SFXN4: variants seen among roughly 807,000 people sequenced by gnomAD.
SFXN4 encodes sideroflexin 4, also known as sideroflexin-4.
SFXN4 carries 48 observed loss-of-function variants against 54.6 expected under a neutral mutation model. The observed-to-expected ratio is 0.88, with a 90% CI of 0.70 to 1.12. SFXN4 has a LOEUF of 1.12. SFXN4 is among the 50% of genes most tolerant of loss of function. SFXN4 has a pLI of 0.00. For missense variants in SFXN4, 383 were observed against 409.2 expected (o/e 0.94, Z 0.55); for synonymous variants, 130 against 145.5 (o/e 0.89, Z 0.77).
rs1847146751 is a variant in SFXN4 at position 119,153,334 on chromosome 10, C to CT, written c.732+1727dup. Among the ~76,000 whole-genome samples the CT allele has an allele frequency of 6.6e-5, 9 of 136,400 alleles. No homozygotes were observed. The South Asian group carries it at 2.2e-3, about 34-fold the overall frequency. The allele number at this position is 136,400 out of a possible 152,430, so 89.5% of individuals were successfully genotyped here. On this transcript the variant is annotated intron_variant, in intron 11 of 13. Coordinates refer to ENST00000355697, the MANE Select transcript of SFXN4 (RefSeq NM_213649.2). Reference sequence around the variant, plus strand: ...GCTGAGGTGAGAGAATCACCTGAGCCTGGGAGGTTGAGGCTGTAGAGCCGT... The same window carrying CT: ...GCTGAGGTGAGAGAATCACCTGAGCCTTGGGAGGTTGAGGCTGTAGAGCCGT...
chr10:119,154,808 G>C (rs941445693), intron 11 of SFXN4, among the ~76,000 whole-genome samples: 3 of 152,212 alleles, frequency 2.0e-5, no homozygotes, highest in African/African-American at 7.2e-5. Flanking sequence ...CTCCAGGCCA[G>C]TGCGACAGAG....
chr10:119,161,437 C>CA (rs1554888747), intron 3 of SFXN4, among the ~76,000 whole-genome samples: 2,084 of 119,762 alleles, frequency 0.017, 65 homozygotes, highest in African/African-American at 0.056. Flanking sequence ...CAAAAAAAAA[C>CA]AAAAAAAAAA....
At chr10:119,147,983 C>A in intron 11 of SFXN4, 123 bp from the exon 12 acceptor site, 1 of 677,278 alleles carries the variant, frequency 1.5e-6, no homozygotes, top group Non-Finnish European at 2.6e-6. Flanking sequence ...CCAGCCTGGC[C>A]AACATGGTGA....
At chr10:119,149,418 C>A (rs183079884) in intron 11 of SFXN4, among the ~76,000 whole-genome samples, 176 of 152,224 alleles carry the variant, frequency 1.2e-3, no homozygotes, top group Middle Eastern at 0.01. Flanking sequence ...CTTTCCCCCC[C>A]ACAAAAGAGA....
chr10:119,160,865 TTAG>T (rs758526485), intron 5 of SFXN4, 47 bp downstream of exon 5: 154 of 1,591,808 alleles, frequency 9.7e-5, no homozygotes, highest in Middle Eastern at 3.3e-4. Context: ...TTTCTAAGTG[TTAG>T]AAACTACATC....
At chr10:119,149,823 G>A (rs1846981251) in intron 11 of SFXN4, among the ~76,000 whole-genome samples, 1 of 152,234 alleles carries the variant, frequency 6.6e-6, no homozygotes, top group Non-Finnish European at 1.5e-5. Context: ...AGGGAAAAAT[G>A]GCTGTTAGTG....
At chr10:119,146,399 G>T in intron 12 of SFXN4, 46 bp from the exon 13 acceptor site, 1 of 1,211,116 alleles carries the variant, frequency 8.3e-7, no homozygotes, top group Non-Finnish European at 1.2e-6. Context: ...AAACTATCAG[G>T]GCTTATTTTC....
chr10:119,149,881 TC>T (rs1409087584), intron 11 of SFXN4, among the ~76,000 whole-genome samples: 3 of 152,218 alleles, frequency 2.0e-5, no homozygotes, highest in Admixed American at 2.0e-4. Flanking sequence ...TCTCCCTTAG[TC>T]CCATGTGTGG....
chr10:119,149,332 C>T (rs763684413), intron 11 of SFXN4, among the ~76,000 whole-genome samples: 7 of 152,308 alleles, frequency 4.6e-5, no homozygotes, highest in Non-Finnish European at 1.0e-4. Context: ...TACCACCCGG[C>T]CCCTGCTCTC....
rs572356797 is a variant in SFXN4, at chr10:119,144,562, A to T, written c.936+1674T>A. Among the ~76,000 whole-genome samples the T allele has an allele frequency of 2.1e-3, 197 of 94,020 alleles. 4 individuals carry two copies. The highest frequency in any genetic ancestry group is 7.6e-3 in the African/African-American group (176 of 23,084). The allele number at this position is 94,020 out of a possible 152,430, so 61.7% of individuals were successfully genotyped here. On this transcript the variant is annotated intron_variant, in intron 13 of 13. Coordinates refer to ENST00000355697, the MANE Select transcript of SFXN4 (RefSeq NM_213649.2). ...ATTAAAAAAATTGGCTTTCTGACTTAAAAAAAAAAAAATGTCCTTGCTACC... is the reference window on the plus strand; with the variant it reads ...ATTAAAAAAATTGGCTTTCTGACTTTAAAAAAAAAAAATGTCCTTGCTACC...
chr10:119,141,357 G>A, intron 13 of SFXN4, 38 bp from the exon 14 acceptor site: 2 of 1,335,400 alleles, frequency 1.5e-6, no homozygotes, highest in Non-Finnish European at 2.1e-6. Flanking sequence ...TCTATTAATA[G>A]TTTTTCTTGC....
At chr10:119,146,181 T>C in intron 13 of SFXN4, 55 bp downstream of exon 13, 1 of 970,580 alleles carries the variant, frequency 1.0e-6, no homozygotes, top group Non-Finnish European at 1.6e-6. Context: ...CTTATTTTAT[T>C]CTTCTAACTG....
chr10:119,159,305 CA>C (rs1382134402), intron 6 of SFXN4, among the ~76,000 whole-genome samples: 3 of 151,912 alleles, frequency 2.0e-5, no homozygotes, highest in Non-Finnish European at 2.9e-5. Context: ...CCCAAAAAAC[CA>C]AAAAGCACCT....
At chr10:119,152,824 A>G (rs1215684267) in intron 11 of SFXN4, among the ~76,000 whole-genome samples, 1 of 152,086 alleles carries the variant, frequency 6.6e-6, no homozygotes, top group African/African-American at 2.4e-5. Flanking sequence ...TGCCACCAAC[A>G]TGCTGGTCAG....
intron 11 of SFXN4, among the ~76,000 whole-genome samples, chr10:119,153,560 G>A (rs957143291): frequency 1.3e-5 from 2 of 152,170 alleles, no homozygotes; most frequent in African/African-American, 4.8e-5. Flanking sequence ...TAGCAATGAA[G>A]ACTATAAGGA....
rs550031205 is a variant in SFXN4 at position 119,156,198 on chromosome 10, G to A, written c.616+480C>T. 5.3e-5 allele frequency among the ~76,000 whole-genome samples: 8 copies of A among 152,268 alleles called. No homozygotes were observed. The South Asian group carries it at 1.5e-3, about 28-fold the overall frequency. ...AGCATTTTGGAAAGCTGAGGCAGGC[G>A]AATCACTTGAGGCCAGAAGTTCAAG... On this transcript the variant is annotated intron_variant, in intron 10 of 13. Coordinates refer to ENST00000355697, the MANE Select transcript of SFXN4 (RefSeq NM_213649.2).
rs1283404160 is a variant in SFXN4 at position 119,155,182 on chromosome 10, A to C, written c.617-5T>G. ...CATTCATTCCACTGGCTTGCACTGT[A>C]GATGTAAAGAAGTAAAGAACACCCA... On this transcript the variant is annotated splice_region_variant and splice_polypyrimidine_tract_variant and intron_variant, in intron 10 of 13. Coordinates refer to ENST00000355697, the MANE Select transcript of SFXN4 (RefSeq NM_213649.2). 7 of 1,597,362 alleles carry C rather than the reference A, an allele frequency of 4.4e-6. No homozygotes were observed. Among genetic ancestry groups the C allele is most frequent in the Non-Finnish European group, 6.0e-6 (7 of 1,164,868 alleles).
chr10:119,154,217 G>A (rs1468383243), intron 11 of SFXN4, among the ~76,000 whole-genome samples: 1 of 151,728 alleles, frequency 6.6e-6, no homozygotes, highest in African/African-American at 2.4e-5. Flanking sequence ...CCTCCACAAT[G>A]TGGGTGGGCC....
intron 5 of SFXN4, 68 bp downstream of exon 5, chr10:119,160,847 G>A (rs1847498742): frequency 1.3e-6 from 2 of 1,510,730 alleles, no homozygotes; most frequent in Non-Finnish European, 9.2e-7. Flanking sequence ...TGATCCGGCA[G>A]GCAGAGTTTT....
Sources: gnomAD v4.1 joint callset for allele counts (sites outside exome capture counted in the v4.1 genomes callset) on GRCh38, gnomAD v4.1.1 for gene constraint, MANE v1.5 for transcripts, NCBI Gene and HGNC (gene_info 2026-07-23, HGNC 2026-07-21) for gene names.